The following EXOC6B variants were observed in gnomAD, a reference collection of about 807,000 sequenced individuals.
EXOC6B encodes the protein exocyst complex component 6B.
EXOC6B carries 54 observed loss-of-function variants against 113.5 expected under a neutral mutation model. The observed-to-expected ratio is 0.48, with a 90% confidence interval of 0.38 to 0.60. EXOC6B has a LOEUF of 0.60. EXOC6B is among the 20% of genes least tolerant of loss of function. The pLI is 0.00. For synonymous variants in EXOC6B, 357 were observed against 339.0 expected (o/e 1.05, Z -0.58); for missense variants, 797 against 977.5 (o/e 0.82, Z 2.46).
At chr2:72,793,818 A>G (rs1684808270) in intron 1 of EXOC6B, among the ~76,000 whole-genome samples, 1 of 152,228 alleles carries the variant, frequency 6.6e-6, no homozygotes, top group African/African-American at 2.4e-5. Flanking sequence ...AGAAGAGGGT[A>G]TCTAAGAAAA....
At chr2:72,822,565 C>G (rs576335805) in intron 1 of EXOC6B, among the ~76,000 whole-genome samples, 1 of 151,996 alleles carries the variant, frequency 6.6e-6, no homozygotes, top group African/African-American at 2.4e-5. Flanking sequence ...AAAAATAATC[C>G]GTATCATAGC....
At chr2:72,645,477 C>A (rs1287856163) in intron 6 of EXOC6B, among the ~76,000 whole-genome samples, 2 of 152,202 alleles carry the variant, frequency 1.3e-5, no homozygotes, top group Non-Finnish European at 2.9e-5. Flanking sequence ...CCCAAATGAG[C>A]AGAATATACA....
chr2:72,668,151 CACA>C (rs1430013382), intron 6 of EXOC6B, among the ~76,000 whole-genome samples: 12 of 152,088 alleles, frequency 7.9e-5, no homozygotes, highest in African/African-American at 2.2e-4. Flanking sequence ...ATGCAAATCA[CACA>C]ACATCTCACA....
At chr2:72,244,640 T>TAA (rs989818426) in intron 20 of EXOC6B, among the ~76,000 whole-genome samples, 25 of 152,040 alleles carry the variant, frequency 1.6e-4, no homozygotes, top group Admixed American at 8.5e-4. Context: ...ATAGAAATGA[T>TAA]AAACTTCTAG....
At chr2:72,671,165 G>A (rs1396741325) in intron 6 of EXOC6B, among the ~76,000 whole-genome samples, 1 of 152,016 alleles carries the variant, frequency 6.6e-6, no homozygotes, top group East Asian at 1.9e-4. Context: ...AGACAAACAG[G>A]ATTACATTAA....
At chr2:72,798,050 G>A (rs189756517) in intron 1 of EXOC6B, among the ~76,000 whole-genome samples, 1 of 152,146 alleles carries the variant, frequency 6.6e-6, no homozygotes, top group East Asian at 1.9e-4. Context: ...TGAGTATACT[G>A]CCAAAGATAA....
At chr2:72,528,175 A>G (rs1701828121) in intron 8 of EXOC6B, among the ~76,000 whole-genome samples, 1 of 151,968 alleles carries the variant, frequency 6.6e-6, no homozygotes, top group Admixed American at 6.6e-5. Context: ...AATGGTTTGA[A>G]GTTTGTATAG....
At chr2:72,329,939 T>A (rs1688336360) in intron 20 of EXOC6B, among the ~76,000 whole-genome samples, 1 of 151,990 alleles carries the variant, frequency 6.6e-6, no homozygotes, top group African/African-American at 2.4e-5. Context: ...GGTTAGAAAT[T>A]GGGGAATAAC....
At chr2:72,486,995 C>T (rs1699460100) in intron 16 of EXOC6B, among the ~76,000 whole-genome samples, 1 of 152,048 alleles carries the variant, frequency 6.6e-6, no homozygotes, top group African/African-American at 2.4e-5. Flanking sequence ...TCCTCTTTTC[C>T]CATTCTTTAA....
intron 6 of EXOC6B, among the ~76,000 whole-genome samples, chr2:72,607,521 T>C (rs1459921003): frequency 6.6e-6 from 1 of 152,148 alleles, no homozygotes; most frequent in Non-Finnish European, 1.5e-5. Context: ...AATCTCTCTC[T>C]CAAAAAATAA....
At chr2:72,402,055 A>G (rs1181370864) in intron 18 of EXOC6B, among the ~76,000 whole-genome samples, 1 of 151,888 alleles carries the variant, frequency 6.6e-6, no homozygotes, top group African/African-American at 2.4e-5. Flanking sequence ...TCTTACTATT[A>G]GCAAAATTTT....
At chr2:72,392,510 G>T (rs1373641776) in intron 18 of EXOC6B, among the ~76,000 whole-genome samples, 1 of 152,274 alleles carries the variant, frequency 6.6e-6, no homozygotes, top group East Asian at 1.9e-4. Flanking sequence ...TCTTTAACAT[G>T]TTAATCATAG....
chr2:72,205,453 T>C (rs1444218987), intron 20 of EXOC6B, among the ~76,000 whole-genome samples: 2 of 152,080 alleles, frequency 1.3e-5, no homozygotes, highest in African/African-American at 2.4e-5. Flanking sequence ...AGGCCTGTGC[T>C]GACCATGAAA....
At chr2:72,505,783 C>T (rs571667636) in intron 11 of EXOC6B, among the ~76,000 whole-genome samples, 21 of 152,184 alleles carry the variant, frequency 1.4e-4, no homozygotes, top group Non-Finnish European at 2.4e-4. Context: ...TTTTGGAGGA[C>T]TGCTTTTATT....
At chr2:72,507,927 T>A in intron 11 of EXOC6B, among the ~76,000 whole-genome samples, 2 of 141,538 alleles carry the variant, frequency 1.4e-5, no homozygotes, top group East Asian at 2.0e-4. Context: ...CCCAAATGTA[T>A]CAGGAACACA....
At chr2:72,662,550 G>A (rs184540168) in intron 6 of EXOC6B, among the ~76,000 whole-genome samples, 134 of 152,184 alleles carry the variant, frequency 8.8e-4, no homozygotes, top group Non-Finnish European at 1.2e-3. Flanking sequence ...AAATAAATAC[G>A]ATGAAAAGAT....
At chr2:72,269,495 C>T (rs1684343152) in intron 20 of EXOC6B, among the ~76,000 whole-genome samples, 1 of 152,148 alleles carries the variant, frequency 6.6e-6, no homozygotes, top group Non-Finnish European at 1.5e-5. Context: ...TCACTGGAGA[C>T]AGCAGGTAAA....
intron 6 of EXOC6B, among the ~76,000 whole-genome samples, chr2:72,691,094 A>G (rs1018198229): frequency 4.6e-5 from 7 of 152,166 alleles, no homozygotes; most frequent in African/African-American, 1.2e-4. Context: ...CTCCATCTCT[A>G]TTATTTAAAA....
At chr2:72,211,370 T>A (rs189604949) in intron 20 of EXOC6B, among the ~76,000 whole-genome samples, 1 of 152,318 alleles carries the variant, frequency 6.6e-6, no homozygotes, top group East Asian at 1.9e-4. Flanking sequence ...AAATGGGCCC[T>A]CCTCTTCTGC....
Sources: allele counts gnomAD v4.1 joint callset (sites outside exome capture counted in the v4.1 genomes callset), GRCh38; gene constraint gnomAD v4.1.1; transcripts MANE v1.5; gene names NCBI Gene and HGNC (gene_info 2026-07-23, HGNC 2026-07-21).